LASP1: variants seen among roughly 807,000 people sequenced by gnomAD.
The protein encoded by LASP1 is LIM and SH3 domain protein 1.
A neutral mutation model predicts 38.6 loss-of-function variants in LASP1; 10 were observed. That is an observed-to-expected ratio of 0.26 (90% CI 0.16 to 0.44). The LOEUF (loss-of-function observed/expected upper bound fraction) is 0.44. LASP1 is among the 20% of genes least tolerant of loss of function. LASP1 has a pLI of 1.00. For synonymous variants in LASP1, 132 were observed against 140.8 expected, an observed-to-expected ratio of 0.94 and a Z score of 0.44; for missense variants, 243 against 375.7, an observed-to-expected ratio of 0.65 and a Z score of 2.92.
At chr17:38,880,671 A>T (rs549810706) in intron 2 of LASP1, among the ~76,000 whole-genome samples, 3 of 152,308 alleles carry the variant, frequency 2.0e-5, no homozygotes, top group Non-Finnish European at 4.4e-5. Flanking sequence ...CTCCTCGCCC[A>T]AGGCAGTCAT....
At position 38,894,729 on chromosome 17, in the gene LASP1, A is replaced by AT. The variant is rs199577778; in HGVS notation, c.250-3673dup. 3.1e-3 allele frequency among the ~76,000 whole-genome samples: 465 copies of AT among 151,304 alleles called. 1 individual carries two copies. The highest frequency in any genetic ancestry group is 8.4e-3 in the African/African-American group (344 of 41,190). ...TCTCCTCTCCATCTGTGTGTGTCTA[A>AT]TTTTTTTTTTAAATTTGTATTTTTT... is the stretch of plus-strand genomic sequence containing the variant. On this transcript the variant is annotated intron_variant, in intron 3 of 6. Coordinates refer to ENST00000318008, the MANE Select transcript of LASP1 (RefSeq NM_006148.4).
At chr17:38,883,737 G>A (rs1914017884) in intron 2 of LASP1, among the ~76,000 whole-genome samples, 2 of 121,040 alleles carry the variant, frequency 1.7e-5, no homozygotes, top group Admixed American at 1.0e-4. Flanking sequence ...GACAGGGGCA[G>A]GCTTTTTTTT....
At chr17:38,917,556 C>A (rs186245360) in intron 6 of LASP1, among the ~76,000 whole-genome samples, 224 of 152,204 alleles carry the variant, frequency 1.5e-3, no homozygotes, top group African/African-American at 5.3e-3. Context: ...GTCTTCTGTC[C>A]TCTGAAGATT....
chr17:38,878,209 G>A (rs974405177), intron 2 of LASP1, 29 bp downstream of exon 2: 2 of 1,533,026 alleles, frequency 1.3e-6, no homozygotes, highest in African/African-American at 2.7e-5. Context: ...AGGGGGCTGG[G>A]TGGGCACCTT....
At chr17:38,890,024 G>A (rs1914258466) in intron 2 of LASP1, among the ~76,000 whole-genome samples, 1 of 152,196 alleles carries the variant, frequency 6.6e-6, no homozygotes, top group Non-Finnish European at 1.5e-5. Context: ...TGAAAGCTTA[G>A]TCCTGACTCA....
intron 3 of LASP1, among the ~76,000 whole-genome samples, chr17:38,895,575 C>T (rs944619231): frequency 1.3e-5 from 2 of 152,094 alleles, no homozygotes; most frequent in African/African-American, 4.8e-5. Context: ...CTCTGCCTCC[C>T]AAAGTGGTGG....
chr17:38,893,463 A>G (rs1028160236), intron 3 of LASP1, among the ~76,000 whole-genome samples: 1 of 152,110 alleles, frequency 6.6e-6, no homozygotes, highest in Admixed American at 6.5e-5. Flanking sequence ...CCCTGTTTGT[A>G]TGCTCTGAGG....
rs575598554 is a variant in LASP1, at chr17:38,921,353, C to T, written c.*2575C>T. 8.6e-6 allele frequency: 2 copies of T among 232,536 alleles called. No individual in the cohort carries two copies. The highest frequency in any genetic ancestry group is 1.1e-4 in the Admixed American group (2 of 17,750). The allele number at this position is 232,536 out of a possible 1,614,324, so 14.4% of individuals were successfully genotyped here. ...CAGTGGTGAGGAAAGTGCGTTCTCC[C>T]AGCACTGCCTCCTGTTTTCTCCCTC... On this transcript the variant is annotated 3_prime_UTR_variant, in exon 7 of 7. Transcript: ENST00000318008.
At chr17:38,914,522 G>A (rs1915053576) in intron 5 of LASP1, 47 bp downstream of exon 5, 4 of 1,543,140 alleles carry the variant, frequency 2.6e-6, no homozygotes, top group Non-Finnish European at 3.5e-6. Context: ...CGAGGCCAGT[G>A]GGGTGGGGAG....
chr17:38,921,435 C>T lies in LASP1; in HGVS notation c.*2657C>T, dbSNP rs773545882. Reference sequence around the variant, plus strand: ...CTTAATTTCTGCCTTTCCCCCCTCACACATGCACTTTTGGGCCTTTTTTTA... The same window carrying T: ...CTTAATTTCTGCCTTTCCCCCCTCATACATGCACTTTTGGGCCTTTTTTTA... On this transcript the variant is annotated 3_prime_UTR_variant, in exon 7 of 7. Coordinates refer to ENST00000318008, the MANE Select transcript of LASP1 (RefSeq NM_006148.4). 4.3e-6 allele frequency: 1 copy of T among 232,524 alleles called. No homozygotes were observed. Among genetic ancestry groups the T allele is most frequent in the Admixed American group, 5.6e-5 (1 of 17,732 alleles). 14.4% of individuals were successfully genotyped at this position (232,524 alleles called of 1,614,324 possible).
intron 1 of LASP1, among the ~76,000 whole-genome samples, chr17:38,874,360 C>T (rs1913697483): frequency 6.6e-6 from 1 of 152,198 alleles, no homozygotes; most frequent in Non-Finnish European, 1.5e-5. Context: ...TGACAGTGTC[C>T]TTCCCCAGAC....
rs1341701902 is a variant in LASP1, at chr17:38,921,214, G to A, written c.*2436G>A. The A allele has an allele frequency of 2.2e-5, 5 of 229,242 alleles. No individual in the cohort carries two copies. In the South Asian group the frequency reaches 7.3e-4, roughly 33 times the overall value. 14.2% of individuals were successfully genotyped at this position (229,242 alleles called of 1,614,324 possible). Reference sequence around the variant, plus strand: ...TGGGCTGGGCTGGGCTGAGCCCCTGGTCTTCTCTACAGTTCACAGAGGTCT... The same window carrying A: ...TGGGCTGGGCTGGGCTGAGCCCCTGATCTTCTCTACAGTTCACAGAGGTCT... On this transcript the variant is annotated 3_prime_UTR_variant, in exon 7 of 7. Coordinates refer to ENST00000318008, the MANE Select transcript of LASP1 (RefSeq NM_006148.4).
intron 1 of LASP1, among the ~76,000 whole-genome samples, chr17:38,874,627 G>A (rs897012064): frequency 2.6e-5 from 4 of 152,160 alleles, no homozygotes; most frequent in Admixed American, 2.6e-4. Context: ...CAGCACTCTG[G>A]GAGACAGTGG....
intron 4 of LASP1, among the ~76,000 whole-genome samples, chr17:38,903,304 C>T (rs1914694678): frequency 6.6e-6 from 1 of 152,124 alleles, no homozygotes; most frequent in African/African-American, 2.4e-5. Context: ...GTAGGCCCTA[C>T]TTTGACAGGT....
chr17:38,914,467 G>A lies in LASP1; in HGVS notation c.500G>A (p.Ser167Asn). 6.2e-7 allele frequency: 1 copy of A among 1,603,774 alleles called. No homozygotes were observed. The highest frequency in any genetic ancestry group is 8.5e-7 in the Non-Finnish European group (1 of 1,175,654). The change falls in exon 5 of 7, where the codon AGT (serine) becomes AAT (asparagine). Residue 167 changes from serine to asparagine, a missense_variant. This residue lies in a region of LASP1 where 165 missense variants were observed against 210.3 expected (regional missense o/e 0.78). Transcript: ENST00000318008. ...CAGCAGCCTCACCACATCCCGACCA[G>A]TGCCCCGGGTGAGTGCAGGTCCTGT... is the stretch of plus-strand genomic sequence containing the variant. ...EQQQPHHIPT[S>N]APVYQQPQQQ...
Position 38,921,595 on chromosome 17 carries a change from TTCA to T in LASP1, c.*2820_*2822del, listed in dbSNP as rs1915302206. The T allele has an allele frequency of 4.3e-6, 1 of 232,954 alleles. No homozygotes were observed. Among genetic ancestry groups the T allele is most frequent in the Middle Eastern group, 1.3e-3 (1 of 782 alleles). 14.4% of individuals were successfully genotyped at this position (232,954 alleles called of 1,614,324 possible). On this transcript the variant is annotated 3_prime_UTR_variant, in exon 7 of 7. Coordinates refer to ENST00000318008, the MANE Select transcript of LASP1 (RefSeq NM_006148.4). ...GTGTGTGAGTGTGTGAAGCCGCCAG[TTCA>T]TCTTTTTATATGGGGTTGTTGTCTC...
chr17:38,881,245 C>G (rs577780184), intron 2 of LASP1, among the ~76,000 whole-genome samples: 8 of 152,114 alleles, frequency 5.3e-5, no homozygotes, highest in Admixed American at 1.3e-4. Flanking sequence ...TGCTTTCTTA[C>G]TTTTTTTGTT....
chr17:38,906,654 G>A (rs548840943), intron 4 of LASP1, among the ~76,000 whole-genome samples: 12 of 152,242 alleles, frequency 7.9e-5, no homozygotes, highest in South Asian at 4.1e-4. Flanking sequence ...CTGTTCCCTC[G>A]TTCACTGTGA....
chr17:38,886,523 C>T (rs963750882), intron 2 of LASP1, among the ~76,000 whole-genome samples: 2 of 152,146 alleles, frequency 1.3e-5, no homozygotes, highest in Non-Finnish European at 2.9e-5. Flanking sequence ...GGCTCACCCC[C>T]ACTTCCCTTC....
Sources: gnomAD v4.1 joint callset for allele counts (sites outside exome capture counted in the v4.1 genomes callset) on GRCh38, gnomAD v4.1.1 for gene constraint, gnomAD v4.1.1 regional missense constraint, MANE v1.5 for transcripts, NCBI Gene and HGNC (gene_info 2026-07-23, HGNC 2026-07-21) for gene names.